Variants in CFAP61 observed in about 807,000 individuals in gnomAD.
The protein encoded by CFAP61 is cilia and flagella associated protein 61.
CFAP61 carries 107 observed loss-of-function variants against 135.6 expected under a neutral mutation model. That is an observed-to-expected ratio of 0.79 (90% CI 0.67 to 0.93). CFAP61 has a LOEUF of 0.93. Among genes scored for constraint, CFAP61 ranks in the 40% least tolerant of loss-of-function variants. CFAP61 has a pLI of 0.00. For missense variants in CFAP61, 1,507 were observed against 1,556.2 expected, an observed-to-expected ratio of 0.97 and a Z score of 0.53; for synonymous variants, 575 against 578.5, an observed-to-expected ratio of 0.99 and a Z score of 0.09.
At chr20:20,357,197 GT>G (rs1207894973) in intron 26 of CFAP61, among the ~76,000 whole-genome samples, 9 of 88,062 alleles carry the variant, frequency 1.0e-4, no homozygotes, top group South Asian at 4.1e-4. Context: ...CATACTGTGA[GT>G]GAGGAGGTAG....
At chr20:20,169,572 A>G in intron 13 of CFAP61, 112 bp downstream of exon 13, 5 of 966,198 alleles carry the variant, frequency 5.2e-6, no homozygotes, top group Non-Finnish European at 7.0e-6. Context: ...ATCATCTTTT[A>G]TTAGAAGAGG....
intron 26 of CFAP61, among the ~76,000 whole-genome samples, chr20:20,353,184 A>G (rs2058909778): frequency 6.6e-6 from 1 of 152,178 alleles, no homozygotes; most frequent in African/African-American, 2.4e-5. Context: ...CTGTCTGTGG[A>G]GTTTGCATGT....
Position 20,090,924 on chromosome 20 carries a change from T to C in CFAP61, c.647T>C (p.Leu216Pro), listed in dbSNP as rs1329159092. 1 of 1,614,184 alleles carries C rather than the reference T, an allele frequency of 6.2e-7. No individual in the cohort carries two copies. Among genetic ancestry groups the C allele is most frequent in the Admixed American group, 1.7e-5 (1 of 60,022 alleles). Residue 216 changes from leucine (L) to proline (P), a missense_variant, in exon 7 of 27, where the codon CTG becomes CCG. Physicochemically the swap from Leu to Pro is moderately conservative, Grantham distance 98 (BLOSUM62 -3). Coordinates refer to ENST00000245957, the MANE Select transcript of CFAP61 (RefSeq NM_015585.4). ...ILKETYGEYF[L>P]AELIEAQDEE... ...AAGGAAACTTACGGTGAATACTTCC[T>C]GGCCGAACTAATAGAGGCCCAAGAT...
At chr20:20,236,823 T>A (rs1188478187) in intron 18 of CFAP61, among the ~76,000 whole-genome samples, 10 of 152,236 alleles carry the variant, frequency 6.6e-5, no homozygotes, top group Non-Finnish European at 1.5e-4. Context: ...GATTTGTGTC[T>A]TGTATTTTGC....
At chr20:20,097,518 A>T (rs1197082631) in intron 7 of CFAP61, among the ~76,000 whole-genome samples, 1 of 152,248 alleles carries the variant, frequency 6.6e-6, no homozygotes, top group African/African-American at 2.4e-5. Context: ...CCGTCTCTCC[A>T]TGTGGAATAT....
In CFAP61 at chr20:20,169,212, C is replaced by T. The variant is rs552006659; in HGVS notation, c.1246-109C>T. 9.4e-6 allele frequency: 10 copies of T among 1,058,672 alleles called. No homozygotes were observed. In the East Asian group the frequency reaches 2.0e-4, roughly 21 times the overall value. 65.6% of individuals were successfully genotyped at this position (1,058,672 alleles called of 1,614,324 possible). A position where few individuals can be genotyped will look rare whatever the true frequency, so the allele number is the denominator to read the frequency against. On this transcript the variant is annotated intron_variant, in intron 12 of 26. Coordinates refer to ENST00000245957, the MANE Select transcript of CFAP61 (RefSeq NM_015585.4). ...GGAAAGGTAATTTGAATATCCTCTCCTTAATCAACACATTTTGCTTCTATT... is the reference window on the plus strand; with the variant it reads ...GGAAAGGTAATTTGAATATCCTCTCTTTAATCAACACATTTTGCTTCTATT...
At chr20:20,191,515 T>G (rs1490320761) in intron 15 of CFAP61, 96 bp downstream of exon 15, 2 of 756,574 alleles carry the variant, frequency 2.6e-6, no homozygotes, top group Non-Finnish European at 4.4e-6. Context: ...TTTTACTTAT[T>G]TAATGTGAAT....
chr20:20,263,929 A>G (rs1199566703), intron 21 of CFAP61, among the ~76,000 whole-genome samples: 1 of 152,216 alleles, frequency 6.6e-6, no homozygotes, highest in Non-Finnish European at 1.5e-5. Context: ...CCAGAAAGTG[A>G]GCATCACTGT....
At chr20:20,071,146 G>A in intron 3 of CFAP61, 142 bp downstream of exon 3, 2 of 875,138 alleles carry the variant, frequency 2.3e-6, no homozygotes, top group Non-Finnish European at 3.4e-6. Flanking sequence ...TGGTGGGGAG[G>A]AAAAGAGGGC....
chr20:20,279,525 G>A (rs56138739), intron 22 of CFAP61, among the ~76,000 whole-genome samples: 3,615 of 152,080 alleles, frequency 0.024, 63 homozygotes, highest in Non-Finnish European at 0.035. Flanking sequence ...AAAGATCTTC[G>A]TCCTCATTGT....
At chr20:20,138,280 C>CATG (rs1283402050) in intron 8 of CFAP61, among the ~76,000 whole-genome samples, 1 of 152,138 alleles carries the variant, frequency 6.6e-6, no homozygotes, top group Non-Finnish European at 1.5e-5. Context: ...TTTACTAGCT[C>CATG]GCATGTCCCC....
At chr20:20,294,010 A>G (rs892746568) in intron 24 of CFAP61, among the ~76,000 whole-genome samples, 2 of 152,230 alleles carry the variant, frequency 1.3e-5, no homozygotes, top group African/African-American at 4.8e-5. Flanking sequence ...ATATTCAGGG[A>G]AAAAAAGAAG....
chr20:20,268,698 T>C (rs1034579490), intron 21 of CFAP61, among the ~76,000 whole-genome samples: 7 of 152,174 alleles, frequency 4.6e-5, no homozygotes, highest in African/African-American at 1.4e-4. Context: ...ACCTGGAGTG[T>C]TCTGCTGGGG....
chr20:20,177,937 T>C (rs2054762790), intron 13 of CFAP61, among the ~76,000 whole-genome samples: 2 of 152,102 alleles, frequency 1.3e-5, no homozygotes. Context: ...AAATGTATCA[T>C]GTTCTTCTAT....
At position 20,228,272 on chromosome 20, in the gene CFAP61, A is replaced by G. The variant is rs1216944925; in HGVS notation, c.1956A>G (p.Thr652=). Residue 652 remains threonine (T), a synonymous_variant, in exon 18 of 27, where the codon ACA becomes ACG. Transcript: ENST00000245957. ...KDPMSYALNH[T]NRKLTLEPKI... ...AGATGAGTTATGCTTTAAACCATAC[A>G]AACAGAAAACTAACATTGGAACCTA... 2 of 1,611,102 alleles carry G rather than the reference A, an allele frequency of 1.2e-6. No homozygotes were observed. The highest frequency in any genetic ancestry group is 2.2e-5 in the South Asian group (2 of 90,844).
Position 20,154,498 on chromosome 20 carries a change from TAA to T in CFAP61, c.952-4870_952-4869del, listed in dbSNP as rs1423202598. On this transcript the variant is annotated intron_variant, in intron 9 of 26. Coordinates refer to ENST00000245957, the MANE Select transcript of CFAP61 (RefSeq NM_015585.4). ...AAGCTCCTAGATCTGATATATTCAG[TAA>T]AGTCTCAGGTTACAAAATCAATGTA... 2.0e-5 allele frequency among the ~76,000 whole-genome samples: 3 copies of T among 152,070 alleles called. No individual in the cohort carries two copies. The South Asian group carries it at 6.2e-4, about 32-fold the overall frequency.
At chr20:20,154,654 T>C (rs1277777511) in intron 9 of CFAP61, among the ~76,000 whole-genome samples, 3 of 148,782 alleles carry the variant, frequency 2.0e-5, no homozygotes, top group Non-Finnish European at 3.0e-5. Context: ...AACAAAAAAA[T>C]CCCAAAACAA....
In CFAP61 at chr20:20,264,513, C is replaced by T. The variant is rs1036452522; in HGVS notation, c.2503+1383C>T. 1.6e-4 allele frequency among the ~76,000 whole-genome samples: 25 copies of T among 152,164 alleles called. 1 individual carries two copies. Among genetic ancestry groups the T allele is most frequent in the Admixed American group, 1.3e-4 (2 of 15,276 alleles). On this transcript the variant is annotated intron_variant, in intron 21 of 26. Transcript: ENST00000245957. ...AGTTTTGCATCTATGTATGTTTAAA[C>T]CTGTTTTAGCCTTTTAGTCATTCTG...
chr20:20,227,901 G>C (rs1173687764), intron 17 of CFAP61, among the ~76,000 whole-genome samples: 2 of 152,204 alleles, frequency 1.3e-5, no homozygotes, highest in African/African-American at 4.8e-5. Context: ...TGGAACTACA[G>C]ATTCTCAGGG....
Sources: allele counts gnomAD v4.1 joint callset (sites outside exome capture counted in the v4.1 genomes callset), GRCh38; gene constraint gnomAD v4.1.1; transcripts MANE v1.5; gene names NCBI Gene and HGNC (gene_info 2026-07-23, HGNC 2026-07-21).